Variants in KIAA0232 observed in about 807,000 individuals in gnomAD.
KIAA0232 encodes KIAA0232, also known as uncharacterized protein KIAA0232.
A neutral mutation model predicts 122.0 loss-of-function variants in KIAA0232; 27 were observed. That is an observed-to-expected ratio of 0.22 (90% confidence interval 0.16 to 0.31). The LOEUF (loss-of-function observed/expected upper bound fraction) is 0.31. Ranked by LOEUF, KIAA0232 falls within the 10% of genes least tolerant of loss-of-function variation. The pLI is 1.00. For synonymous variants in KIAA0232, 613 were observed against 587.6 expected (o/e 1.04, Z -0.63); for missense variants, 1,551 against 1,634.2 (o/e 0.95, Z 0.88).
chr4:6,842,107 A>G lies in KIAA0232; in HGVS notation c.272A>G (p.Lys91Arg). The stretch of plus-strand genomic sequence containing the variant: ...CTGGGCTGGGAAAAAGGAGCTTATA[A>G]GAAATGGGGAAAGAGTAAGAAAAAA... ...IFLGWEKGAY[K>R]KWGKSKKKCS... Residue 91 changes from lysine to arginine, a missense_variant, in exon 4 of 10, where the codon AAG becomes AGG. Transcript: ENST00000307659. The G allele has an allele frequency of 6.2e-7, 1 of 1,613,724 alleles. No individual in the cohort carries two copies. Among genetic ancestry groups the G allele is most frequent in the Non-Finnish European group, 8.5e-7 (1 of 1,179,906 alleles).
intron 8 of KIAA0232, among the ~76,000 whole-genome samples, chr4:6,872,910 T>C (rs1236492413): frequency 6.6e-6 from 1 of 152,242 alleles, no homozygotes; most frequent in African/African-American, 2.4e-5. Context: ...GAGTGGAGCG[T>C]TTGCTGTTCT....
At chr4:6,784,861 A>G (rs1716543856) in intron 1 of KIAA0232, among the ~76,000 whole-genome samples, 2 of 152,172 alleles carry the variant, frequency 1.3e-5, no homozygotes, top group African/African-American at 2.4e-5. Flanking sequence ...GGTCTTTAAC[A>G]TGACGTTAAC....
intron 1 of KIAA0232, among the ~76,000 whole-genome samples, chr4:6,784,537 T>G (rs766191815): frequency 2.0e-5 from 3 of 152,218 alleles, no homozygotes; most frequent in Non-Finnish European, 4.4e-5. Context: ...GGTCTCAGGA[T>G]CTCTATGTCG....
At chr4:6,784,891 A>G (rs1348521194) in intron 1 of KIAA0232, among the ~76,000 whole-genome samples, 3 of 152,140 alleles carry the variant, frequency 2.0e-5, no homozygotes, top group Non-Finnish European at 2.9e-5. Context: ...ATCTAAGGAT[A>G]ATTAGCTTGT....
chr4:6,806,006 T>C (rs1251392533), intron 2 of KIAA0232, among the ~76,000 whole-genome samples: 2 of 152,212 alleles, frequency 1.3e-5, no homozygotes, highest in Non-Finnish European at 2.9e-5. Flanking sequence ...TTTTGTTATC[T>C]TTTGCAAGGA....
chr4:6,800,239 G>T (rs1159067416), intron 1 of KIAA0232, among the ~76,000 whole-genome samples: 1 of 148,430 alleles, frequency 6.7e-6, no homozygotes, highest in African/African-American at 2.5e-5. Context: ...TGTATTTTTA[G>T]TAGAGATAGG....
At position 6,862,646 on chromosome 4, in the gene KIAA0232, A is replaced by T. The variant is rs376091389; in HGVS notation, c.2264A>T (p.Asp755Val). Residue 755 changes from aspartate (D) to valine (V), a missense_variant, in exon 7 of 10, where the codon GAT becomes GTT. Asp to Val is a radical substitution (Grantham distance 152). Around this residue, in one of 5 missense-constraint regions of KIAA0232, gnomAD observed 1,108 missense variants for 1,154.8 expected, o/e 0.96. Coordinates refer to ENST00000307659, the MANE Select transcript of KIAA0232 (RefSeq NM_014743.3). ...CCTAGAGTCTCGTCAAATTATGTAG[A>T]TGAAGAACTTCTAGATTTTTTGCAA... ...VVPRVSSNYV[D>V]EELLDFLQDE... 9 of 1,612,794 alleles carry T rather than the reference A, an allele frequency of 5.6e-6. No homozygotes were observed. The highest frequency in any genetic ancestry group is 1.1e-5 in the South Asian group (1 of 90,532).
intron 2 of KIAA0232, among the ~76,000 whole-genome samples, chr4:6,822,228 C>T (rs1560174281): frequency 6.6e-6 from 1 of 152,006 alleles, no homozygotes; most frequent in East Asian, 1.9e-4. Flanking sequence ...AAAATCTTCG[C>T]TTTAATTTAT....
intron 1 of KIAA0232, among the ~76,000 whole-genome samples, chr4:6,785,243 A>T (rs1167457954): frequency 6.6e-6 from 1 of 152,112 alleles, no homozygotes; most frequent in Non-Finnish European, 1.5e-5. Context: ...GGCTGATTAG[A>T]TGGATTTTTA....
chr4:6,791,535 C>T (rs543929521), intron 1 of KIAA0232, among the ~76,000 whole-genome samples: 1 of 151,978 alleles, frequency 6.6e-6, no homozygotes, highest in Admixed American at 6.6e-5. Flanking sequence ...TACCACGTTA[C>T]CCAGGCTGTT....
intron 1 of KIAA0232, among the ~76,000 whole-genome samples, chr4:6,802,154 A>G (rs1717411130): frequency 6.6e-6 from 1 of 152,184 alleles, no homozygotes; most frequent in Non-Finnish European, 1.5e-5. Flanking sequence ...GGGAATGGAG[A>G]AGTTGAACTA....
At chr4:6,808,586 G>A (rs1408808786) in intron 2 of KIAA0232, among the ~76,000 whole-genome samples, 1 of 151,334 alleles carries the variant, frequency 6.6e-6, no homozygotes, top group Non-Finnish European at 1.5e-5. Context: ...AAAATCCTGA[G>A]AGAGTCATGA....
At chr4:6,845,411 G>A (rs1185185233) in intron 4 of KIAA0232, among the ~76,000 whole-genome samples, 1 of 152,108 alleles carries the variant, frequency 6.6e-6, no homozygotes, top group Non-Finnish European at 1.5e-5. Context: ...GCCCAGGCTG[G>A]TTTTGAACTC....
At chr4:6,807,105 G>A (rs1053492575) in intron 2 of KIAA0232, among the ~76,000 whole-genome samples, 2 of 150,594 alleles carry the variant, frequency 1.3e-5, no homozygotes, top group African/African-American at 4.9e-5. Flanking sequence ...CTGCTATGTT[G>A]CCCAAGTTGG....
Position 6,854,647 on chromosome 4 carries a change from G to A in KIAA0232, c.370-2517G>A, listed in dbSNP as rs541114564. On this transcript the variant is annotated intron_variant, in intron 4 of 9. Transcript: ENST00000307659. ...ATTTGAATTTTAGAGTGCTCTTAACGGTTTGCAGAGTGTTTTACATGTGTT... is the reference window on the plus strand; with the variant it reads ...ATTTGAATTTTAGAGTGCTCTTAACAGTTTGCAGAGTGTTTTACATGTGTT... Among the ~76,000 whole-genome samples the A allele has an allele frequency of 3.3e-5, 5 of 152,146 alleles. No homozygotes were observed. The South Asian group carries it at 1.0e-3, about 32-fold the overall frequency.
In KIAA0232 at chr4:6,859,122, A is replaced by G. The variant is rs896135643; in HGVS notation, c.518+616A>G. Among the ~76,000 whole-genome samples the G allele has an allele frequency of 4.2e-4, 59 of 139,082 alleles. 1 individual carries two copies. In the South Asian group the frequency reaches 0.011, roughly 26 times the overall value. 91.2% of individuals were successfully genotyped at this position (139,082 alleles called of 152,430 possible). On this transcript the variant is annotated intron_variant, in intron 6 of 9. Coordinates refer to ENST00000307659, the MANE Select transcript of KIAA0232 (RefSeq NM_014743.3). ...TATTAAAAAAAAAAAAAAAAAAAAA[A>G]ACAAGAAAGAAAAGAAATGATTATC...
chr4:6,878,015 ACCAATC>A (rs1297327187), intron 9 of KIAA0232, among the ~76,000 whole-genome samples: 1 of 152,244 alleles, frequency 6.6e-6, no homozygotes, highest in Non-Finnish European at 1.5e-5. Flanking sequence ...CCGGAAAAGC[ACCAATC>A]CCAAACCCAA....
intron 2 of KIAA0232, among the ~76,000 whole-genome samples, chr4:6,818,919 G>A (rs1718278321): frequency 6.6e-6 from 1 of 152,014 alleles, no homozygotes; most frequent in Non-Finnish European, 1.5e-5. Context: ...CAGAAATAAA[G>A]GTGTACACCT....
At chr4:6,835,789 G>T (rs555257144) in intron 3 of KIAA0232, among the ~76,000 whole-genome samples, 1 of 152,190 alleles carries the variant, frequency 6.6e-6, no homozygotes, top group Non-Finnish European at 1.5e-5. Flanking sequence ...CCCTGCAAAG[G>T]ACATGAACTC....
Sources: allele counts gnomAD v4.1 joint callset (sites outside exome capture counted in the v4.1 genomes callset), GRCh38; gene constraint gnomAD v4.1.1; regional missense constraint gnomAD v4.1.1; transcripts MANE v1.5; gene names NCBI Gene and HGNC (gene_info 2026-07-23, HGNC 2026-07-21).